GRB14: variants seen among roughly 807,000 people sequenced by gnomAD.
GRB14 encodes growth factor receptor-bound protein 14.
Under a neutral mutation model 69.1 loss-of-function variants are expected in GRB14, and 38 were observed. The observed-to-expected ratio is 0.55, with a 90% CI of 0.42 to 0.72. The LOEUF (loss-of-function observed/expected upper bound fraction) is 0.72. Among genes scored for constraint, GRB14 ranks in the 30% least tolerant of loss-of-function variants. The probability of loss-of-function intolerance (pLI) is 0.00; values close to 1 mark genes in which losing one functional copy is unlikely to be tolerated. For missense variants in GRB14, 666 were observed against 666.1 expected (o/e 1.00, Z 0.00); for synonymous variants, 247 against 241.3 (o/e 1.02, Z -0.22).
chr2:164,604,975 TCAGTAAATTGTAAATGC>T (rs1424041422), intron 2 of GRB14, among the ~76,000 whole-genome samples: 1 of 152,196 alleles, frequency 6.6e-6, no homozygotes, highest in Non-Finnish European at 1.5e-5. Context: ...TGCACTTATG[TCAGTAAATTGTAAATGC>T]CAGTAAATTG....
At position 164,576,226 on chromosome 2, in the gene GRB14, A is replaced by G. The variant is rs1689247110; in HGVS notation, c.325-28410T>C. Among the ~76,000 whole-genome samples, 3 of 152,056 alleles carry G rather than the reference A, an allele frequency of 2.0e-5. No individual in the cohort carries two copies. In the South Asian group the frequency reaches 6.2e-4, roughly 32 times the overall value. On this transcript the variant is annotated intron_variant, in intron 2 of 13. Coordinates refer to ENST00000263915, the MANE Select transcript of GRB14 (RefSeq NM_004490.3). Reference sequence around the variant, plus strand: ...CTAAAATAGGTATAAAGATAATCAGATGGAAACATACTATTAATTGACTGT... The same window carrying G: ...CTAAAATAGGTATAAAGATAATCAGGTGGAAACATACTATTAATTGACTGT...
chr2:164,512,082 C>T (rs531812717), intron 6 of GRB14, among the ~76,000 whole-genome samples: 4 of 152,222 alleles, frequency 2.6e-5, no homozygotes, highest in African/African-American at 4.8e-5. Context: ...GGAAGGCCTG[C>T]GTCTCATGGT....
rs113528123 is a variant in GRB14, at chr2:164,516,015, C to CA, written c.816+5964dup. ...GGCTTTCAACTTAATCCAACAAAGA[C>CA]AAAAAAAAAATAATTTAAAAGATGA... On this transcript the variant is annotated intron_variant, in intron 6 of 13. Transcript: ENST00000263915. Among the ~76,000 whole-genome samples the CA allele has an allele frequency of 1.5e-3, 226 of 146,184 alleles. 1 individual carries two copies. Among genetic ancestry groups the CA allele is most frequent in the African/African-American group, 4.5e-3 (179 of 40,038 alleles).
At chr2:164,580,263 T>TACC (rs1211597388) in intron 2 of GRB14, among the ~76,000 whole-genome samples, 44 of 152,082 alleles carry the variant, frequency 2.9e-4, no homozygotes, top group Non-Finnish European at 5.6e-4. Context: ...GGGCTAATTT[T>TACC]TGCATTTTTA....
At chr2:164,607,038 G>A (rs1407158360) in intron 2 of GRB14, among the ~76,000 whole-genome samples, 1 of 152,158 alleles carries the variant, frequency 6.6e-6, no homozygotes, top group South Asian at 2.1e-4. Flanking sequence ...AACCCATTCT[G>A]ACCAAGGGTA....
At chr2:164,518,064 T>C (rs2105278263) in intron 6 of GRB14, among the ~76,000 whole-genome samples, 1 of 152,264 alleles carries the variant, frequency 6.6e-6, no homozygotes, top group Admixed American at 6.5e-5. Flanking sequence ...CTGCAGAATA[T>C]ACATTCTATT....
At chr2:164,525,372 C>G (rs373878551) in intron 4 of GRB14, among the ~76,000 whole-genome samples, 1 of 152,190 alleles carries the variant, frequency 6.6e-6, no homozygotes, top group East Asian at 1.9e-4. Context: ...GCTCCCACAT[C>G]TTATTCCTGA....
chr2:164,494,404 A>C, intron 13 of GRB14, 27 bp downstream of exon 13: 1 of 1,189,990 alleles, frequency 8.4e-7, no homozygotes, highest in Non-Finnish European at 1.3e-6. Context: ...TTTCTAATAC[A>C]CAAATGTGAA....
intron 2 of GRB14, among the ~76,000 whole-genome samples, chr2:164,586,563 A>T (rs1357558830): frequency 6.6e-6 from 1 of 152,040 alleles, no homozygotes; most frequent in African/African-American, 2.4e-5. Context: ...ATATGCTTTG[A>T]CTCGTTTCTA....
intron 2 of GRB14, among the ~76,000 whole-genome samples, chr2:164,594,378 T>A (rs1178373145): frequency 6.6e-6 from 1 of 152,212 alleles, no homozygotes; most frequent in Non-Finnish European, 1.5e-5. Context: ...TTTTCATATT[T>A]AATCTTCATG....
At chr2:164,553,864 G>C (rs1042432740) in intron 2 of GRB14, among the ~76,000 whole-genome samples, 3 of 152,112 alleles carry the variant, frequency 2.0e-5, no homozygotes, top group African/African-American at 7.2e-5. Flanking sequence ...TGAGGCAGGA[G>C]AATCGCTTGA....
chr2:164,567,765 C>G (rs1689015800), intron 2 of GRB14, among the ~76,000 whole-genome samples: 1 of 152,120 alleles, frequency 6.6e-6, no homozygotes, highest in African/African-American at 2.4e-5. Context: ...ACAGAAAGCC[C>G]TTTCACAGGG....
chr2:164,553,557 G>A (rs759531988), intron 2 of GRB14, among the ~76,000 whole-genome samples: 9 of 152,066 alleles, frequency 5.9e-5, no homozygotes, highest in Non-Finnish European at 1.2e-4. Context: ...GATATTCCAC[G>A]CAGTAAATCT....
chr2:164,612,732 C>A (rs567851224), intron 2 of GRB14, among the ~76,000 whole-genome samples: 25 of 152,214 alleles, frequency 1.6e-4, no homozygotes, highest in African/African-American at 6.0e-4. Flanking sequence ...CATGATGACT[C>A]CAATTTTCTT....
At chr2:164,595,629 G>A (rs1456416102) in intron 2 of GRB14, among the ~76,000 whole-genome samples, 4 of 152,056 alleles carry the variant, frequency 2.6e-5, no homozygotes, top group African/African-American at 9.7e-5. Context: ...CAGGCAGTGG[G>A]GAGCCATTCA....
chr2:164,507,482 C>T (rs1404521300), intron 8 of GRB14, among the ~76,000 whole-genome samples: 2 of 152,026 alleles, frequency 1.3e-5, no homozygotes, highest in Non-Finnish European at 2.9e-5. Context: ...TTATATATAT[C>T]TAATACACAT....
rs1188073327 is a variant in GRB14, at chr2:164,620,086, C to G, written c.192-267G>C. Reference sequence around the variant, plus strand: ...TCCCCTCCCACCACCCCTCCCCCCCCCACCGCCTTCTCTCTCTCTTGCCTT... The same window carrying G: ...TCCCCTCCCACCACCCCTCCCCCCCGCACCGCCTTCTCTCTCTCTTGCCTT... On this transcript the variant is annotated intron_variant, in intron 1 of 13. Coordinates refer to ENST00000263915, the MANE Select transcript of GRB14 (RefSeq NM_004490.3). The G allele has an allele frequency of 4.1e-5, 10 of 243,322 alleles. 1 individual carries two copies. The highest frequency in any genetic ancestry group is 6.8e-5 in the Non-Finnish European group (9 of 131,396). The allele number at this position is 243,322 out of a possible 1,614,324, so 15.1% of individuals were successfully genotyped here.
intron 3 of GRB14, among the ~76,000 whole-genome samples, chr2:164,531,112 G>A (rs1687924289): frequency 6.6e-6 from 1 of 152,178 alleles, no homozygotes; most frequent in Non-Finnish European, 1.5e-5. Context: ...AGACATCAAG[G>A]TTCTCAGCCT....
intron 5 of GRB14, among the ~76,000 whole-genome samples, chr2:164,522,392 G>A (rs1687657597): frequency 6.6e-6 from 1 of 152,006 alleles, no homozygotes; most frequent in Admixed American, 6.6e-5. Context: ...AACCTAAGAT[G>A]TTTCAAATGA....
Sources: gnomAD v4.1 joint callset for allele counts (sites outside exome capture counted in the v4.1 genomes callset) on GRCh38, gnomAD v4.1.1 for gene constraint, MANE v1.5 for transcripts, NCBI Gene and HGNC (gene_info 2026-07-23, HGNC 2026-07-21) for gene names.